Variants in TAS2R1 observed in about 807,000 individuals in gnomAD.
TAS2R1 encodes taste 2 receptor member 1, also known as taste receptor type 2 member 1.
For missense variants in TAS2R1, 370 were observed against 353.4 expected, an observed-to-expected ratio of 1.05 and a Z score of -0.38; for synonymous variants, 141 against 134.2, an observed-to-expected ratio of 1.05 and a Z score of -0.35.
chr5:9,767,814 C>T, the TAS2R1 span, among the ~76,000 whole-genome samples: 6 of 149,796 alleles, frequency 4.0e-5, no homozygotes, highest in Admixed American at 2.0e-4. Context: ...GTCCCAGATA[C>T]TTGGGAAGCT....
the TAS2R1 span, among the ~76,000 whole-genome samples, chr5:9,884,655 T>C: frequency 6.6e-6 from 1 of 152,200 alleles, no homozygotes; most frequent in South Asian, 2.1e-4. Context: ...GGAAGTATAA[T>C]GGTTAGATTC....
chr5:9,629,015 G>A lies in TAS2R1; in HGVS notation c.*118C>T. On this transcript the variant is annotated 3_prime_UTR_variant, in exon 1 of 1. Transcript: ENST00000382492. ...GAAATACCTCAGGCTGGATAAACAG[G>A]CCTGAAGGGGACATGTTGTATATTT... 1 of 1,089,086 alleles carries A rather than the reference G, an allele frequency of 9.2e-7. No homozygotes were observed. Among genetic ancestry groups the A allele is most frequent in the Non-Finnish European group, 1.3e-6 (1 of 783,778 alleles). 67.5% of individuals were successfully genotyped at this position (1,089,086 alleles called of 1,614,324 possible). A position where few individuals can be genotyped will look rare whatever the true frequency, so the allele number is the denominator to read the frequency against.
the TAS2R1 span, among the ~76,000 whole-genome samples, chr5:9,853,800 C>A: frequency 6.6e-6 from 1 of 152,128 alleles, no homozygotes; most frequent in Non-Finnish European, 1.5e-5. Context: ...GCAGAGTGAC[C>A]AATGACAGAG....
the TAS2R1 span, among the ~76,000 whole-genome samples, chr5:9,783,015 G>A: frequency 6.6e-6 from 1 of 152,134 alleles, no homozygotes; most frequent in South Asian, 2.1e-4. Flanking sequence ...CATTTGTGTG[G>A]TTTGCAGACA....
At chr5:9,853,989 G>C in the TAS2R1 span, among the ~76,000 whole-genome samples, 2 of 152,150 alleles carry the variant, frequency 1.3e-5, no homozygotes, top group Non-Finnish European at 2.9e-5. Flanking sequence ...TAGTTTGCTA[G>C]AGCTGCTGTG....
intron 1 of TAS2R1, among the ~76,000 whole-genome samples, chr5:9,664,299 C>T (rs951398153): frequency 6.6e-6 from 1 of 152,192 alleles, no homozygotes; most frequent in African/African-American, 2.4e-5. Flanking sequence ...ATATCAAATA[C>T]ATCAGATGTC....
At position 9,627,483 on chromosome 5, in the gene TAS2R1, A is replaced by G. The variant is rs919287884; in HGVS notation, c.*1650T>C. Among the ~76,000 whole-genome samples the G allele has an allele frequency of 1.3e-5, 2 of 152,178 alleles. No homozygotes were observed. Among genetic ancestry groups the G allele is most frequent in the Non-Finnish European group, 2.9e-5 (2 of 68,028 alleles). On this transcript the variant is annotated 3_prime_UTR_variant, in exon 1 of 1. Coordinates refer to ENST00000382492, the MANE Select transcript of TAS2R1 (RefSeq NM_019599.3). ...AGGAGTTGCATGAAATAGAATCAGA[A>G]TTTAGTATCAGAAAAAAAAACACAT... is the stretch of plus-strand genomic sequence containing the variant.
At chr5:9,879,551 C>T in the TAS2R1 span, among the ~76,000 whole-genome samples, 2 of 152,214 alleles carry the variant, frequency 1.3e-5, no homozygotes, top group African/African-American at 4.8e-5. Flanking sequence ...CAACCTCATG[C>T]TCAGCCCTCG....
chr5:9,726,144 T>G, the TAS2R1 span, among the ~76,000 whole-genome samples: 1 of 151,832 alleles, frequency 6.6e-6, no homozygotes, highest in Non-Finnish European at 1.5e-5. Flanking sequence ...GCACTCTGTG[T>G]CTACCTCAAG....
At chr5:9,772,895 A>C in the TAS2R1 span, among the ~76,000 whole-genome samples, 7 of 152,010 alleles carry the variant, frequency 4.6e-5, no homozygotes, top group African/African-American at 1.7e-4. Context: ...TTTATAGATG[A>C]AGTGTTTTCC....
chr5:9,631,908 C>G (rs999998040), upstream of TAS2R1, among the ~76,000 whole-genome samples: 1 of 152,124 alleles, frequency 6.6e-6, no homozygotes. Flanking sequence ...GGATCATCTT[C>G]AAGGAAGCAC....
chr5:9,738,031 G>A, the TAS2R1 span, among the ~76,000 whole-genome samples: 1 of 152,126 alleles, frequency 6.6e-6, no homozygotes, highest in Non-Finnish European at 1.5e-5. Flanking sequence ...CTCTCCACCT[G>A]GATGAAGAAC....
At chr5:9,675,461 G>A (rs1374058525) in intron 1 of TAS2R1, among the ~76,000 whole-genome samples, 4 of 141,236 alleles carry the variant, frequency 2.8e-5, no homozygotes, top group Non-Finnish European at 4.5e-5. Context: ...TTTGTTGCCA[G>A]ACTGGAGTGC....
At chr5:9,863,058 G>A in the TAS2R1 span, 5 of 152,062 alleles carry the variant, frequency 3.3e-5, no homozygotes, top group Non-Finnish European at 7.3e-5. Context: ...TAGCCAACAG[G>A]TTTCAGAGCT....
At chr5:9,650,919 T>C (rs1355966781) in intron 2 of TAS2R1, among the ~76,000 whole-genome samples, 1 of 152,234 alleles carries the variant, frequency 6.6e-6, no homozygotes, top group Non-Finnish European at 1.5e-5. Flanking sequence ...ATGGAATGAA[T>C]GTATAATTAA....
chr5:9,645,782 C>T (rs776808573), intron 2 of TAS2R1: 13 of 152,240 alleles, frequency 8.5e-5, no homozygotes, highest in Non-Finnish European at 8.8e-5. Flanking sequence ...AGAAGGACTT[C>T]AGCCTGCCCA....
chr5:9,792,045 C>T, the TAS2R1 span, among the ~76,000 whole-genome samples: 1 of 152,154 alleles, frequency 6.6e-6, no homozygotes, highest in Non-Finnish European at 1.5e-5. Context: ...ACAAGGACTT[C>T]GGATTTGATT....
At chr5:9,830,598 T>TGC in the TAS2R1 span, among the ~76,000 whole-genome samples, 2,269 of 106,250 alleles carry the variant, frequency 0.021, 51 homozygotes, top group African/African-American at 0.051. Context: ...GATAGACACG[T>TGC]GCGCGCGCAC....
chr5:9,872,597 G>A, the TAS2R1 span, among the ~76,000 whole-genome samples: 1 of 152,084 alleles, frequency 6.6e-6, no homozygotes, highest in Admixed American at 6.6e-5. Flanking sequence ...ATAACTCTGG[G>A]ATTTTTAAAA....
Sources: gnomAD v4.1 joint callset for allele counts (sites outside exome capture counted in the v4.1 genomes callset) on GRCh38, gnomAD v4.1.1 for gene constraint, MANE v1.5 for transcripts, NCBI Gene and HGNC (gene_info 2026-07-23, HGNC 2026-07-21) for gene names.